The following CPED1 variants were observed in gnomAD, a reference collection of about 807,000 sequenced individuals.
CPED1 encodes the protein cadherin like and PC-esterase domain containing 1.
In CPED1, 114 loss-of-function variants were observed where a neutral mutation model predicts 128.2. That is an observed-to-expected ratio of 0.89 (90% CI 0.76 to 1.04). The LOEUF (loss-of-function observed/expected upper bound fraction) is 1.04. CPED1 is among the 50% of genes least tolerant of loss of function. CPED1 has a pLI of 0.00. For missense variants in CPED1, 1,211 were observed against 1,207.1 expected (o/e 1.00, Z -0.05); for synonymous variants, 462 against 426.7 (o/e 1.08, Z -1.02).
intron 3 of CPED1, among the ~76,000 whole-genome samples, chr7:121,036,513 T>A (rs34223880): frequency 1.7e-3 from 235 of 137,432 alleles, no homozygotes; most frequent in South Asian, 4.5e-3. Flanking sequence ...ATATATTTTT[T>A]TTTTCTTTCT....
At chr7:121,232,171 C>A (rs1798155213) in intron 16 of CPED1, among the ~76,000 whole-genome samples, 1 of 152,128 alleles carries the variant, frequency 6.6e-6, no homozygotes, top group Non-Finnish European at 1.5e-5. Context: ...AGAAAGAGGG[C>A]AAGTTGTCTT....
At chr7:121,104,759 G>A (rs150978164) in intron 7 of CPED1, among the ~76,000 whole-genome samples, 2,117 of 152,022 alleles carry the variant, frequency 0.014, 35 homozygotes, top group African/African-American at 0.046. Flanking sequence ...ATGTCTCTTC[G>A]ATTGAATTGA....
chr7:121,072,039 A>T (rs921222033), intron 5 of CPED1, among the ~76,000 whole-genome samples: 2 of 152,122 alleles, frequency 1.3e-5, no homozygotes, highest in Non-Finnish European at 2.9e-5. Context: ...CCCCAAGTCC[A>T]ACAGTCATTT....
chr7:121,080,969 A>G (rs1451612328), intron 5 of CPED1, among the ~76,000 whole-genome samples: 1 of 152,158 alleles, frequency 6.6e-6, no homozygotes, highest in East Asian at 1.9e-4. Context: ...CTGATTTGCA[A>G]CATATCATCA....
At position 121,272,855 on chromosome 7, in the gene CPED1, G is replaced by A. The variant is rs543407908; in HGVS notation, c.2868+1425G>A. Among the ~76,000 whole-genome samples the A allele has an allele frequency of 2.6e-5, 4 of 152,084 alleles. No individual in the cohort carries two copies. In the East Asian group the frequency reaches 7.8e-4, roughly 30 times the overall value. On this transcript the variant is annotated intron_variant, in intron 22 of 22. Coordinates refer to ENST00000310396, the MANE Select transcript of CPED1 (RefSeq NM_024913.5). ...GCAAAAATAAAACAACACCCCAATG[G>A]GAAGAGGGCCCCAAAACATTGGAAA... is the stretch of plus-strand genomic sequence containing the variant.
chr7:120,999,974 G>A (rs1791793540), intron 2 of CPED1, among the ~76,000 whole-genome samples: 1 of 152,012 alleles, frequency 6.6e-6, no homozygotes, highest in South Asian at 2.1e-4. Flanking sequence ...ATAGTGGCAG[G>A]AACTTCTGCT....
intron 15 of CPED1, 130 bp downstream of exon 15, chr7:121,141,143 C>T (rs1282807569): frequency 3.3e-6 from 2 of 613,484 alleles, no homozygotes; most frequent in African/African-American, 1.9e-5. Flanking sequence ...TGTGAACTTT[C>T]CCCTTCTCAT....
chr7:121,050,828 G>A (rs1168213651), intron 4 of CPED1: 6 of 463,322 alleles, frequency 1.3e-5, no homozygotes, highest in East Asian at 6.7e-5. Context: ...GAGCGGCAGC[G>A]GCCAGGCAGC....
intron 2 of CPED1, among the ~76,000 whole-genome samples, chr7:121,007,553 A>C (rs1243040438): frequency 6.6e-6 from 1 of 152,172 alleles, no homozygotes; most frequent in Admixed American, 6.5e-5. Context: ...ATTTATCATT[A>C]ATTAATTTCT....
intron 16 of CPED1, among the ~76,000 whole-genome samples, chr7:121,157,395 G>A (rs1287277497): frequency 1.3e-5 from 2 of 152,124 alleles, no homozygotes; most frequent in African/African-American, 2.4e-5. Context: ...TTACGTGTGG[G>A]GAAAAGGTTT....
At chr7:121,075,290 A>T (rs1395795295) in intron 5 of CPED1, among the ~76,000 whole-genome samples, 1 of 152,198 alleles carries the variant, frequency 6.6e-6, no homozygotes, top group East Asian at 1.9e-4. Flanking sequence ...TTAAGCAAAC[A>T]CTGGAAATAC....
intron 16 of CPED1, among the ~76,000 whole-genome samples, chr7:121,190,391 C>G (rs1277292314): frequency 1.0e-5 from 1 of 97,392 alleles, no homozygotes; most frequent in Admixed American, 1.2e-4. Flanking sequence ...GACTCTGTAT[C>G]AAAAAAAAAA....
intron 17 of CPED1, among the ~76,000 whole-genome samples, chr7:121,241,342 C>G (rs1299648884): frequency 4.1e-4 from 2 of 4,838 alleles, no homozygotes; most frequent in Non-Finnish European, 1.1e-3. Context: ...AGCGAGACTC[C>G]GTCTCAAAAA....
intron 5 of CPED1, among the ~76,000 whole-genome samples, chr7:121,076,890 T>G (rs1349299168): frequency 6.6e-6 from 1 of 152,060 alleles, no homozygotes; most frequent in Non-Finnish European, 1.5e-5. Context: ...TGATCTAGAT[T>G]GCAGTGGATA....
chr7:121,083,547 G>A (rs1452511627), intron 5 of CPED1, among the ~76,000 whole-genome samples: 1 of 152,174 alleles, frequency 6.6e-6, no homozygotes, highest in African/African-American at 2.4e-5. Context: ...TGATTTCTGT[G>A]GAATTAATGG....
intron 22 of CPED1, among the ~76,000 whole-genome samples, chr7:121,276,417 T>C (rs189148539): frequency 6.7e-4 from 102 of 152,256 alleles, no homozygotes; most frequent in Non-Finnish European, 1.2e-3. Context: ...GTTTATTCTT[T>C]TACTAAATCA....
rs186550262 is a variant in CPED1, at chr7:120,999,883, A to G, written c.249+10013A>G. Among the ~76,000 whole-genome samples the G allele has an allele frequency of 3.5e-4, 53 of 152,302 alleles. 1 individual carries two copies. In the East Asian group the frequency reaches 9.8e-3, roughly 28 times the overall value. On this transcript the variant is annotated intron_variant, in intron 2 of 22. Coordinates refer to ENST00000310396, the MANE Select transcript of CPED1 (RefSeq NM_024913.5). ...TTTAATGAAGGCTTGATGAAGCTCA[A>G]ATTTCAACAAGTTATATTAAATGTC...
intron 12 of CPED1, among the ~76,000 whole-genome samples, chr7:121,131,492 GTTT>G (rs35424690): frequency 7.5e-6 from 1 of 134,104 alleles, no homozygotes; most frequent in Non-Finnish European, 1.6e-5. Flanking sequence ...CTGTTTCAAA[GTTT>G]TTTTTTTTTT....
intron 3 of CPED1, among the ~76,000 whole-genome samples, chr7:121,020,035 AAGAGT>A (rs1049527407): frequency 1.6e-4 from 25 of 152,110 alleles, no homozygotes; most frequent in African/African-American, 5.8e-4. Context: ...TGTATACTTG[AAGAGT>A]AGTGGATATT....
Sources: allele counts gnomAD v4.1 joint callset (sites outside exome capture counted in the v4.1 genomes callset), GRCh38; gene constraint gnomAD v4.1.1; transcripts MANE v1.5; gene names NCBI Gene and HGNC (gene_info 2026-07-23, HGNC 2026-07-21).